The following TRIM71 variants were observed in gnomAD, a reference collection of about 807,000 sequenced individuals.
TRIM71 encodes tripartite motif containing 71, also known as E3 ubiquitin-protein ligase TRIM71.
Under a neutral mutation model 61.2 loss-of-function variants are expected in TRIM71, and 9 were observed. That is an observed-to-expected ratio of 0.15 (90% CI 0.09 to 0.26). The LOEUF (loss-of-function observed/expected upper bound fraction) is 0.26, where lower values mean the gene tolerates loss of function less well. Ranked by LOEUF, TRIM71 falls within the 10% of genes least tolerant of loss-of-function variation. The pLI is 1.00. For synonymous variants in TRIM71, 645 were observed against 553.2 expected, an observed-to-expected ratio of 1.17 and a Z score of -2.33; for missense variants, 998 against 1,238.7, an observed-to-expected ratio of 0.81 and a Z score of 2.92.
At chr3:32,848,093 G>C (rs1239152405) in intron 1 of TRIM71, among the ~76,000 whole-genome samples, 3 of 152,184 alleles carry the variant, frequency 2.0e-5, no homozygotes, top group Non-Finnish European at 2.9e-5. Context: ...GTCTTCCACA[G>C]ATAACGAGAG....
rs774478999 is a variant in TRIM71 at position 32,891,379 on chromosome 3, G to A, written c.2175G>A (p.Gln725=). The change falls in exon 4 of 4, where the codon CAG becomes CAA. Residue 725 remains glutamine, a synonymous_variant. Coordinates refer to ENST00000383763, the MANE Select transcript of TRIM71 (RefSeq NM_001039111.3). The surrounding 1 kb of genome is among the most constrained non-coding windows in gnomAD (Gnocchi z 8.2). ...CAGACACGAGGAACCACCGGATCCA[G>A]CTGTTTGGGCCTGATGGTGTCTTCC... is the stretch of plus-strand genomic sequence containing the variant. ...LVSDTRNHRI[Q]LFGPDGVFLN... The A allele has an allele frequency of 3.7e-5, 60 of 1,614,064 alleles. No homozygotes were observed. Among genetic ancestry groups the A allele is most frequent in the African/African-American group, 1.2e-4 (9 of 74,948 alleles).
At position 32,818,571 on chromosome 3, in the gene TRIM71, C is replaced by G; in HGVS notation, c.491C>G (p.Ala164Gly). ...GCGCACCCGCGCGCGTCCGCCTCCG[C>G]GCCGCCACTCCCGCAGGCGCCGCAG... ...HHAHPRASAS[A>G]PPLPQAPQPP... is the part of the protein sequence containing the mutation. The change falls in exon 1 of 4, where the codon GCG becomes GGG. Residue 164 changes from alanine (A) to glycine (G), a missense_variant. Ala to Gly is a moderately conservative substitution (Grantham distance 60). This residue lies in a region of TRIM71 where 527 missense variants were observed against 427.8 expected (regional missense o/e 1.23). Transcript: ENST00000383763. 1 of 1,271,980 alleles carries G rather than the reference C, an allele frequency of 7.9e-7. No homozygotes were observed. Among genetic ancestry groups the G allele is most frequent in the Non-Finnish European group, 9.8e-7 (1 of 1,017,376 alleles). 78.8% of individuals were successfully genotyped at this position (1,271,980 alleles called of 1,614,324 possible).
At chr3:32,854,322 C>T (rs1334647101) in intron 1 of TRIM71, among the ~76,000 whole-genome samples, 1 of 152,180 alleles carries the variant, frequency 6.6e-6, no homozygotes, top group East Asian at 1.9e-4. Flanking sequence ...TAGTTTTGTT[C>T]TCTAGCACAT....
chr3:32,857,905 A>T (rs1696623080), intron 1 of TRIM71, among the ~76,000 whole-genome samples: 1 of 152,108 alleles, frequency 6.6e-6, no homozygotes, highest in South Asian at 2.1e-4. Context: ...CAGGAGGCGG[A>T]GGCTGCAGCA....
intron 1 of TRIM71, among the ~76,000 whole-genome samples, chr3:32,863,882 A>G (rs935129384): frequency 3.3e-5 from 5 of 151,940 alleles, no homozygotes; most frequent in African/African-American, 7.3e-5. Flanking sequence ...GGGTTTCACT[A>G]TGTTGGCCAG....
At chr3:32,861,669 A>G (rs1480415190) in intron 1 of TRIM71, among the ~76,000 whole-genome samples, 1 of 152,200 alleles carries the variant, frequency 6.6e-6, no homozygotes, top group African/African-American at 2.4e-5. Flanking sequence ...TTTTACTTAC[A>G]GAGAAAGATG....
chr3:32,886,483 G>T (rs767975781), intron 3 of TRIM71, among the ~76,000 whole-genome samples: 1 of 152,206 alleles, frequency 6.6e-6, no homozygotes, highest in Admixed American at 6.5e-5. Context: ...GGCAGTGAGT[G>T]TGTGTCCTTT....
At chr3:32,828,457 TAA>T (rs1431810173) in intron 1 of TRIM71, among the ~76,000 whole-genome samples, 1 of 150,872 alleles carries the variant, frequency 6.6e-6, no homozygotes, top group African/African-American at 2.4e-5. Flanking sequence ...AGCTGAAATA[TAA>T]AGTCTCATAG....
At position 32,890,572 on chromosome 3, in the gene TRIM71, C is replaced by T. The variant is rs760063893; in HGVS notation, c.1368C>T (p.Asp456=). ...GGAGCCTCCTGCAGCCCCAGGAAGA[C>T]GACCGAGTCATGTTCACACCCCCCG... ...TVRSLLQPQE[D]DRVMFTPPDQ... Residue 456 remains aspartate (D), a synonymous_variant, in exon 4 of 4, where the codon GAC becomes GAT. Transcript: ENST00000383763. The surrounding 1 kb of genome is among the most constrained non-coding windows in gnomAD (Gnocchi z 6.2). 3.8e-5 allele frequency: 62 copies of T among 1,613,884 alleles called. No homozygotes were observed. The highest frequency in any genetic ancestry group is 1.3e-4 in the East Asian group (6 of 44,898).
chr3:32,818,011 C>T lies in TRIM71; in HGVS notation c.-70C>T. The T allele has an allele frequency of 1.4e-6, 2 of 1,466,896 alleles. No homozygotes were observed. Among genetic ancestry groups the T allele is most frequent in the South Asian group, 1.2e-5 (1 of 84,866 alleles). The allele number at this position is 1,466,896 out of a possible 1,614,324, so 90.9% of individuals were successfully genotyped here. A position where few individuals can be genotyped will look rare whatever the true frequency, so the allele number is the denominator to read the frequency against. On this transcript the variant is annotated 5_prime_UTR_variant, in exon 1 of 4. Coordinates refer to ENST00000383763, the MANE Select transcript of TRIM71 (RefSeq NM_001039111.3). The stretch of plus-strand genomic sequence containing the variant: ...GTGAGTCGGTGACTCCCCCACCCAC[C>T]TCGTCCGCTCTCTCCTCCTCCTCCT...
chr3:32,858,948 T>G (rs535049125), intron 1 of TRIM71, among the ~76,000 whole-genome samples: 2 of 152,138 alleles, frequency 1.3e-5, no homozygotes, highest in Admixed American at 1.3e-4. Flanking sequence ...CAGGTCTGGC[T>G]TTTCCCATCT....
chr3:32,860,401 C>G (rs183706386), intron 1 of TRIM71, among the ~76,000 whole-genome samples: 41 of 152,174 alleles, frequency 2.7e-4, no homozygotes, highest in African/African-American at 9.4e-4. Context: ...GGTGATCCAC[C>G]TGCCTCGGAC....
At chr3:32,853,234 A>T (rs1696559551) in intron 1 of TRIM71, among the ~76,000 whole-genome samples, 2 of 151,170 alleles carry the variant, frequency 1.3e-5, no homozygotes, top group South Asian at 4.2e-4. Context: ...CTCCTGCCTC[A>T]GCCTCCCGAG....
chr3:32,824,810 C>G (rs1266385544), intron 1 of TRIM71, among the ~76,000 whole-genome samples: 3 of 151,730 alleles, frequency 2.0e-5, no homozygotes, highest in Non-Finnish European at 2.9e-5. Flanking sequence ...TTCTTTTTTT[C>G]TTGAGATGGA....
chr3:32,862,402 C>T (rs1170911040), intron 1 of TRIM71, among the ~76,000 whole-genome samples: 1 of 152,228 alleles, frequency 6.6e-6, no homozygotes, highest in Non-Finnish European at 1.5e-5. Context: ...AAAATTCTGC[C>T]TTTCTACACC....
chr3:32,831,668 C>G (rs1190757671), intron 1 of TRIM71, among the ~76,000 whole-genome samples: 1 of 151,040 alleles, frequency 6.6e-6, no homozygotes, highest in Non-Finnish European at 1.5e-5. Context: ...TCCAAAGTGG[C>G]TGGGACTACA....
intron 1 of TRIM71, among the ~76,000 whole-genome samples, chr3:32,841,644 C>G (rs902842147): frequency 6.6e-6 from 1 of 152,074 alleles, no homozygotes; most frequent in Non-Finnish European, 1.5e-5. Flanking sequence ...AGAAAAAGCC[C>G]CAGAGGCAGG....
chr3:32,846,831 C>T (rs1279593174), intron 1 of TRIM71, among the ~76,000 whole-genome samples: 1 of 152,160 alleles, frequency 6.6e-6, no homozygotes, highest in African/African-American at 2.4e-5. Flanking sequence ...ATAATAACCT[C>T]CAGTTTCATC....
intron 1 of TRIM71, among the ~76,000 whole-genome samples, chr3:32,850,794 C>T (rs1020655085): frequency 2.0e-5 from 3 of 152,104 alleles, no homozygotes; most frequent in Non-Finnish European, 4.4e-5. Flanking sequence ...GCCCTATCCG[C>T]CTGTTTCTCT....
Sources: gnomAD v4.1 joint callset for allele counts (sites outside exome capture counted in the v4.1 genomes callset) on GRCh38, gnomAD v4.1.1 for gene constraint, gnomAD v4.1.1 regional missense constraint, Gnocchi (gnomAD v3.1) non-coding constraint, MANE v1.5 for transcripts, NCBI Gene and HGNC (gene_info 2026-07-23, HGNC 2026-07-21) for gene names.